The following SH3PXD2B variants were observed in gnomAD, a reference collection of about 807,000 sequenced individuals.
SH3PXD2B encodes the protein SH3 and PX domains 2B, also known as SH3 and PX domain-containing protein 2B.
Under a neutral mutation model 73.1 loss-of-function variants are expected in SH3PXD2B, and 37 were observed. The observed-to-expected ratio is 0.51, with a 90% CI of 0.39 to 0.67. The LOEUF is 0.67. SH3PXD2B is among the 30% of genes least tolerant of loss of function. The probability of loss-of-function intolerance (pLI) is 0.00; values close to 1 mark genes in which losing one functional copy is unlikely to be tolerated. For synonymous variants in SH3PXD2B, 457 were observed against 480.5 expected (o/e 0.95, Z 0.64); for missense variants, 1,053 against 1,197.8 (o/e 0.88, Z 1.78).
intron 8 of SH3PXD2B, among the ~76,000 whole-genome samples, chr5:172,357,323 C>G (rs1307952397): frequency 6.6e-6 from 1 of 151,550 alleles, no homozygotes; most frequent in East Asian, 1.9e-4. Context: ...ACTCGAGAGG[C>G]TGAGGCAGGA....
intron 6 of SH3PXD2B, among the ~76,000 whole-genome samples, chr5:172,373,252 G>A (rs904406970): frequency 6.6e-6 from 1 of 152,164 alleles, no homozygotes; most frequent in African/African-American, 2.4e-5. Flanking sequence ...CCTGTGCCTG[G>A]CGATCCCCTC....
At chr5:172,345,616 C>G (rs1756976294) in intron 12 of SH3PXD2B, among the ~76,000 whole-genome samples, 1 of 152,140 alleles carries the variant, frequency 6.6e-6, no homozygotes, top group South Asian at 2.1e-4. Flanking sequence ...TATCTTGAAG[C>G]TCTAACCCCA....
intron 2 of SH3PXD2B, among the ~76,000 whole-genome samples, chr5:172,412,119 C>T (rs1215219158): frequency 1.3e-5 from 2 of 152,222 alleles, no homozygotes; most frequent in Admixed American, 6.5e-5. Flanking sequence ...AAGCTCCATC[C>T]ATTTTATAGC....
chr5:172,395,615 G>A (rs1758275816), intron 3 of SH3PXD2B, among the ~76,000 whole-genome samples: 1 of 152,206 alleles, frequency 6.6e-6, no homozygotes, highest in East Asian at 1.9e-4. Flanking sequence ...AAATCAGTGG[G>A]TTCTCAGAGA....
chr5:172,370,390 A>G (rs1324197919), intron 6 of SH3PXD2B, among the ~76,000 whole-genome samples: 1 of 152,124 alleles, frequency 6.6e-6, no homozygotes, highest in East Asian at 1.9e-4. Context: ...AACCCTCCTA[A>G]CCAGTGTGCC....
intron 6 of SH3PXD2B, among the ~76,000 whole-genome samples, chr5:172,369,209 ATTT>A: frequency 7.5e-6 from 1 of 133,474 alleles, no homozygotes; most frequent in Non-Finnish European, 1.6e-5. Context: ...GTTTTTATGT[ATTT>A]TTTTTGTTTT....
chr5:172,358,728 T>G (rs1757334214), intron 8 of SH3PXD2B, 45 bp downstream of exon 8: 1 of 1,544,118 alleles, frequency 6.5e-7, no homozygotes, highest in Non-Finnish European at 8.9e-7. Context: ...AGGCGATGAC[T>G]GCACAGGTCC....
At chr5:172,343,290 A>T (rs9313588) in intron 12 of SH3PXD2B, among the ~76,000 whole-genome samples, 3,187 of 152,322 alleles carry the variant, frequency 0.021, 91 homozygotes, top group African/African-American at 0.072. Flanking sequence ...AGTCATCGTC[A>T]GCACATCCAT....
At chr5:172,404,440 C>T (rs1016490985) in intron 3 of SH3PXD2B, among the ~76,000 whole-genome samples, 6 of 152,164 alleles carry the variant, frequency 3.9e-5, no homozygotes, top group East Asian at 1.9e-4. Flanking sequence ...TATAGGTGCC[C>T]GCCACCACGC....
chr5:172,382,882 C>A (rs1485860974), intron 4 of SH3PXD2B, among the ~76,000 whole-genome samples: 1 of 151,094 alleles, frequency 6.6e-6, no homozygotes, highest in Non-Finnish European at 1.5e-5. Context: ...GCATGTGCTA[C>A]CATGCCTGGC....
chr5:172,334,060 C>CT lies in SH3PXD2B; in HGVS notation c.*4308dup, dbSNP rs1756630059. On this transcript the variant is annotated 3_prime_UTR_variant, in exon 13 of 13. Coordinates refer to ENST00000311601, the MANE Select transcript of SH3PXD2B (RefSeq NM_001017995.3). ...CCGACTGTGGCACTGCGTTTGGCCT[C>CT]TTTGAGGACAGAAGAGGTTGAGCCC... The CT allele has an allele frequency of 8.7e-7, 1 of 1,155,158 alleles. No individual in the cohort carries two copies. Among genetic ancestry groups the CT allele is most frequent in the South Asian group, 1.8e-5 (1 of 56,330 alleles). The allele number at this position is 1,155,158 out of a possible 1,614,324, so 71.6% of individuals were successfully genotyped here.
chr5:172,415,770 C>T (rs1431342330), intron 2 of SH3PXD2B, among the ~76,000 whole-genome samples: 6 of 152,220 alleles, frequency 3.9e-5, no homozygotes, highest in African/African-American at 1.4e-4. Context: ...CACTGATGGA[C>T]TCCCCAGAGT....
intron 4 of SH3PXD2B, among the ~76,000 whole-genome samples, chr5:172,385,568 C>A (rs986506548): frequency 6.6e-6 from 1 of 152,166 alleles, no homozygotes; most frequent in South Asian, 2.1e-4. Flanking sequence ...GGCAACAGCC[C>A]GGAGCTGGCC....
chr5:172,340,345 T>C lies in SH3PXD2B; in HGVS notation c.1189-429A>G, dbSNP rs144456663. Among the ~76,000 whole-genome samples, 512 of 152,272 alleles carry C rather than the reference T, an allele frequency of 3.4e-3. 10 individuals are homozygous for C. The Middle Eastern group carries it at 0.054, about 16-fold the overall frequency. The stretch of plus-strand genomic sequence containing the variant: ...CAGAACGGGTCCCTCTGGGGATGCG[T>C]GCATTTATCTATTGACTCTCAGCTC... On this transcript the variant is annotated intron_variant, in intron 12 of 12. Transcript: ENST00000311601.
chr5:172,439,816 G>T (rs1256189248), intron 1 of SH3PXD2B, among the ~76,000 whole-genome samples: 1 of 133,628 alleles, frequency 7.5e-6, no homozygotes, highest in Non-Finnish European at 1.6e-5. Flanking sequence ...GGTTGGCCAG[G>T]CCAGGCATCT....
chr5:172,368,524 TATTA>T (rs1486204493), intron 6 of SH3PXD2B, among the ~76,000 whole-genome samples: 182 of 27,574 alleles, frequency 6.6e-3, no homozygotes, highest in African/African-American at 0.015. Context: ...AATATATATA[TATTA>T]TATATATATA....
chr5:172,362,790 C>A lies in SH3PXD2B; in HGVS notation c.507G>T (p.Ser169=). Reference sequence around the variant, plus strand: ...CCTGCCCCACGCTGAGGCTGATCTCCGAACTCTCCTGCTTCTGGTAGTTGG... The same window carrying A: ...CCTGCCCCACGCTGAGGCTGATCTCAGAACTCTCCTGCTTCTGGTAGTTGG... ...VVANYQKQES[S]EISLSVGQVV... The change falls in exon 7 of 13, where the codon TCG becomes TCT. Residue 169 remains serine, a synonymous_variant. Coordinates refer to ENST00000311601, the MANE Select transcript of SH3PXD2B (RefSeq NM_001017995.3). 6.2e-7 allele frequency: 1 copy of A among 1,614,110 alleles called. No homozygotes were observed. The highest frequency in any genetic ancestry group is 8.5e-7 in the Non-Finnish European group (1 of 1,180,024).
intron 1 of SH3PXD2B, among the ~76,000 whole-genome samples, chr5:172,427,779 A>AT (rs112469816): frequency 0.039 from 5,354 of 138,878 alleles, 169 homozygotes; most frequent in African/African-American, 0.089. Flanking sequence ...TGTTACCACG[A>AT]TTTTTTTTTT....
chr5:172,423,162 A>T (rs1759010855), intron 1 of SH3PXD2B, among the ~76,000 whole-genome samples: 1 of 152,174 alleles, frequency 6.6e-6, no homozygotes, highest in South Asian at 2.1e-4. Flanking sequence ...ATTGATAACA[A>T]GCCCGGGCAA....
Sources: gnomAD v4.1 joint callset for allele counts (sites outside exome capture counted in the v4.1 genomes callset) on GRCh38, gnomAD v4.1.1 for gene constraint, MANE v1.5 for transcripts, NCBI Gene and HGNC (gene_info 2026-07-23, HGNC 2026-07-21) for gene names.